The following NKAIN2 variants were observed in gnomAD, a reference collection of about 807,000 sequenced individuals.
The protein encoded by NKAIN2 is sodium/potassium transporting ATPase interacting 2, also known as sodium/potassium-transporting ATPase subunit beta-1-interacting protein 2.
Under a neutral mutation model 32.6 loss-of-function variants are expected in NKAIN2, and 14 were observed. The observed-to-expected ratio is 0.43, with a 90% CI of 0.28 to 0.67. The LOEUF is 0.67. Ranked by LOEUF, NKAIN2 falls within the 30% of genes least tolerant of loss-of-function variation. NKAIN2 has a pLI of 0.17. For missense variants in NKAIN2, 198 were observed against 258.3 expected (o/e 0.77, Z 1.60); for synonymous variants, 80 against 87.2 (o/e 0.92, Z 0.46).
intron 1 of NKAIN2, among the ~76,000 whole-genome samples, chr6:124,171,547 A>ATTTTT (rs10665262): frequency 0.015 from 1,475 of 96,432 alleles, 88 homozygotes; most frequent in African/African-American, 0.036. Flanking sequence ...GGCCGATTTG[A>ATTTTT]TTTTTTTTTT....
rs986034929 is a variant in NKAIN2, at chr6:124,265,372, T to G, written c.55-17633T>G. On this transcript the variant is annotated intron_variant, in intron 1 of 6. Coordinates refer to ENST00000368417, the MANE Select transcript of NKAIN2 (RefSeq NM_001040214.3). ...TAGAAATATTATTTTTTATGCTTCA[T>G]TTTTAATACTGTTGTATACCAAACT... is the stretch of plus-strand genomic sequence containing the variant. 7.9e-5 allele frequency among the ~76,000 whole-genome samples: 12 copies of G among 152,288 alleles called. No individual in the cohort carries two copies. In the East Asian group the frequency reaches 2.3e-3, roughly 29 times the overall value.
chr6:124,083,965 T>C (rs1255975600), intron 1 of NKAIN2, among the ~76,000 whole-genome samples: 1 of 151,746 alleles, frequency 6.6e-6, no homozygotes, highest in African/African-American at 2.4e-5. Flanking sequence ...ATAACAAGGG[T>C]TTTGATCTTG....
intron 1 of NKAIN2, among the ~76,000 whole-genome samples, chr6:123,962,452 C>T (rs779278751): frequency 2.0e-5 from 3 of 152,106 alleles, no homozygotes; most frequent in Admixed American, 2.0e-4. Flanking sequence ...TTCCTGAGTC[C>T]TTTATAACCC....
chr6:124,765,595 C>T (rs1452764365), intron 4 of NKAIN2, among the ~76,000 whole-genome samples: 1 of 152,204 alleles, frequency 6.6e-6, no homozygotes, highest in Non-Finnish European at 1.5e-5. Flanking sequence ...GGTCACACTC[C>T]TCTTAAGTTG....
intron 1 of NKAIN2, among the ~76,000 whole-genome samples, chr6:124,113,406 A>T (rs1044096175): frequency 6.6e-6 from 1 of 152,120 alleles, no homozygotes; most frequent in Non-Finnish European, 1.5e-5. Flanking sequence ...GGATACACAG[A>T]TCAACTCTTT....
chr6:124,319,021 G>T (rs1041939819), intron 2 of NKAIN2, among the ~76,000 whole-genome samples: 3 of 151,988 alleles, frequency 2.0e-5, no homozygotes, highest in Non-Finnish European at 4.4e-5. Context: ...AGCAGTGGTG[G>T]ATTATCCAGG....
chr6:124,206,070 A>G (rs1260447438), intron 1 of NKAIN2, among the ~76,000 whole-genome samples: 2 of 151,852 alleles, frequency 1.3e-5, no homozygotes, highest in African/African-American at 4.8e-5. Context: ...TGAACTTACA[A>G]TTATTTCCCA....
intron 1 of NKAIN2, among the ~76,000 whole-genome samples, chr6:123,867,242 C>A (rs1471641139): frequency 6.6e-6 from 1 of 152,184 alleles, no homozygotes; most frequent in Non-Finnish European, 1.5e-5. Context: ...ATTTCTGTAA[C>A]ATATGTAATG....
At chr6:123,916,608 G>A (rs905471393) in intron 1 of NKAIN2, among the ~76,000 whole-genome samples, 5 of 152,048 alleles carry the variant, frequency 3.3e-5, no homozygotes, top group African/African-American at 9.7e-5. Flanking sequence ...GCAGAAGAAC[G>A]AAGAAGATGA....
intron 1 of NKAIN2, among the ~76,000 whole-genome samples, chr6:124,217,627 T>A (rs1208680977): frequency 6.6e-6 from 1 of 152,158 alleles, no homozygotes; most frequent in African/African-American, 2.4e-5. Flanking sequence ...AAAGCCTGAC[T>A]AATCAGACCA....
At chr6:124,747,222 C>T (rs1777488432) in intron 4 of NKAIN2, among the ~76,000 whole-genome samples, 1 of 151,832 alleles carries the variant, frequency 6.6e-6, no homozygotes, top group Admixed American at 6.6e-5. Context: ...CTTTCCTGGT[C>T]CCTAACCACC....
At chr6:123,835,337 T>C (rs1301849041) in intron 1 of NKAIN2, among the ~76,000 whole-genome samples, 1 of 152,192 alleles carries the variant, frequency 6.6e-6, no homozygotes, top group Non-Finnish European at 1.5e-5. Flanking sequence ...TGCGTTCTTG[T>C]TTTTGGTACG....
intron 2 of NKAIN2, among the ~76,000 whole-genome samples, chr6:124,347,326 T>C (rs905046837): frequency 4.5e-4 from 68 of 152,094 alleles, no homozygotes; most frequent in African/African-American, 1.6e-3. Context: ...GAGTTGCTCT[T>C]CTCGAGGAGT....
intron 1 of NKAIN2, among the ~76,000 whole-genome samples, chr6:124,177,634 TCCC>T (rs1478069576): frequency 2.0e-5 from 3 of 152,136 alleles, no homozygotes; most frequent in Non-Finnish European, 2.9e-5. Context: ...AGTTTTTTTT[TCCC>T]CAAAATCTAT....
rs555651775 is a variant in NKAIN2 at position 124,290,378 on chromosome 6, T to TA, written c.192+7243dup. The stretch of plus-strand genomic sequence containing the variant: ...TAAGTATTAGTTTCTTTTTCTAAAA[T>TA]AAAAAAATCAGATTATGTAGTTTTT... On this transcript the variant is annotated intron_variant, in intron 2 of 6. Transcript: ENST00000368417. Among the ~76,000 whole-genome samples the TA allele has an allele frequency of 5.1e-3, 645 of 125,658 alleles. 4 individuals are homozygous for TA. The highest frequency in any genetic ancestry group is 0.031 in the African/African-American group (606 of 19,550). 82.4% of individuals were successfully genotyped at this position (125,658 alleles called of 152,430 possible). A position where few individuals can be genotyped will look rare whatever the true frequency, so the allele number is the denominator to read the frequency against.
intron 4 of NKAIN2, among the ~76,000 whole-genome samples, chr6:124,686,579 C>T (rs574965821): frequency 3.9e-5 from 6 of 152,260 alleles, no homozygotes; most frequent in Middle Eastern, 3.4e-3. Context: ...CCAATCACCT[C>T]CTACCAGGCC....
intron 1 of NKAIN2, among the ~76,000 whole-genome samples, chr6:123,912,344 T>C (rs1162583167): frequency 6.6e-6 from 1 of 152,130 alleles, no homozygotes; most frequent in African/African-American, 2.4e-5. Context: ...AATTTGTATG[T>C]ATGTAATTAA....
chr6:124,265,931 A>G (rs1450989855), intron 1 of NKAIN2, among the ~76,000 whole-genome samples: 1 of 152,200 alleles, frequency 6.6e-6, no homozygotes, highest in Non-Finnish European at 1.5e-5. Flanking sequence ...TTTTCAGTAA[A>G]TCAAATAAAC....
At chr6:124,771,634 TGTA>T (rs1778761003) in intron 4 of NKAIN2, among the ~76,000 whole-genome samples, 1 of 152,226 alleles carries the variant, frequency 6.6e-6, no homozygotes, top group East Asian at 1.9e-4. Flanking sequence ...TAGATTATAG[TGTA>T]TTAACAGAGA....
Sources: gnomAD v4.1 joint callset for allele counts (sites outside exome capture counted in the v4.1 genomes callset) on GRCh38, gnomAD v4.1.1 for gene constraint, MANE v1.5 for transcripts, NCBI Gene and HGNC (gene_info 2026-07-23, HGNC 2026-07-21) for gene names.